The following MRAP2 variants were observed in gnomAD, a reference collection of about 807,000 sequenced individuals.
MRAP2 encodes the protein melanocortin 2 receptor accessory protein 2.
Under a neutral mutation model 17.4 loss-of-function variants are expected in MRAP2, and 20 were observed. The observed-to-expected ratio is 1.15, with a 90% CI of 0.81 to 1.67. The LOEUF (loss-of-function observed/expected upper bound fraction) is 1.67. MRAP2 is among the 40% of genes most tolerant of loss of function. The pLI, the probability that MRAP2 is intolerant of heterozygous loss-of-function variation, is 0.00. For missense variants in MRAP2, 238 were observed against 240.0 expected (o/e 0.99, Z 0.05); for synonymous variants, 96 against 88.4 (o/e 1.09, Z -0.48).
Position 84,089,116 on chromosome 6 carries a change from T to C in MRAP2, c.253T>C (p.Phe85Leu), listed in dbSNP as rs745955389. The change falls in exon 4 of 4, where the codon TTC becomes CTC. Residue 85 changes from phenylalanine (F) to leucine (L), a missense_variant. Physicochemically the swap from Phe to Leu is conservative, Grantham distance 22. Transcript: ENST00000257776. ...CAATGCAGAGTCCTCAGAGAAGAGA[T>C]TCAGAATGAACAGCTTTGTGTCAGA... ...QDNAESSEKR[F>L]RMNSFVSDFG... 1.2e-6 allele frequency: 2 copies of C among 1,613,588 alleles called. No individual in the cohort carries two copies. The highest frequency in any genetic ancestry group is 1.7e-6 in the Non-Finnish European group (2 of 1,179,878).
intron 1 of MRAP2, among the ~76,000 whole-genome samples, chr6:84,046,541 G>A (rs1311211581): frequency 1.3e-5 from 2 of 152,020 alleles, no homozygotes; most frequent in African/African-American, 4.8e-5. Flanking sequence ...CAGCACTTTG[G>A]GAGGCCAAGG....
chr6:84,112,907 G>A, the MRAP2 span, among the ~76,000 whole-genome samples: 2 of 152,082 alleles, frequency 1.3e-5, no homozygotes, highest in African/African-American at 2.4e-5. Context: ...TAGTTGTGCA[G>A]TTTTGAGTGA....
chr6:84,085,276 G>A (rs1286313941), intron 3 of MRAP2, among the ~76,000 whole-genome samples: 1 of 152,008 alleles, frequency 6.6e-6, no homozygotes, highest in Non-Finnish European at 1.5e-5. Context: ...GGATGGTCTC[G>A]ATCTCCTGAC....
At chr6:84,129,149 CAT>C in the MRAP2 span, among the ~76,000 whole-genome samples, 1 of 152,272 alleles carries the variant, frequency 6.6e-6, no homozygotes, top group East Asian at 1.9e-4. Context: ...CCACAATAAA[CAT>C]ATGTGTGCAT....
the MRAP2 span, among the ~76,000 whole-genome samples, chr6:84,115,685 T>C: frequency 1.3e-5 from 2 of 152,164 alleles, no homozygotes; most frequent in African/African-American, 2.4e-5. Flanking sequence ...AGTTTTGTGC[T>C]GGAAACCCAG....
chr6:84,057,888 A>G (rs765222730), intron 2 of MRAP2, among the ~76,000 whole-genome samples: 3 of 152,202 alleles, frequency 2.0e-5, no homozygotes, highest in Non-Finnish European at 4.4e-5. Context: ...GAGATTTGAT[A>G]AAAGACCTGA....
At chr6:84,115,210 A>G in the MRAP2 span, among the ~76,000 whole-genome samples, 3 of 152,176 alleles carry the variant, frequency 2.0e-5, no homozygotes, top group Admixed American at 2.0e-4. Flanking sequence ...TTCCAGGCAG[A>G]TGGGTGTTTT....
intron 3 of MRAP2, among the ~76,000 whole-genome samples, chr6:84,084,917 A>ATTTAT (rs1379091336): frequency 1.0e-5 from 1 of 96,286 alleles, no homozygotes; most frequent in East Asian, 2.8e-4. Context: ...TATTTTATTT[A>ATTTAT]TTTATTTTAT....
intron 3 of MRAP2, among the ~76,000 whole-genome samples, chr6:84,066,068 C>T (rs1459645729): frequency 6.6e-6 from 1 of 151,972 alleles, no homozygotes; most frequent in African/African-American, 2.4e-5. Flanking sequence ...CTCTGGAGAT[C>T]CCTGACTAAT....
chr6:84,049,958 G>A (rs188389043), intron 1 of MRAP2, among the ~76,000 whole-genome samples: 4 of 149,868 alleles, frequency 2.7e-5, no homozygotes, highest in Admixed American at 6.6e-5. Context: ...ATTTGAAAAC[G>A]AAGAGCCCAG....
chr6:84,041,827 T>C (rs2099487669), intron 1 of MRAP2, among the ~76,000 whole-genome samples: 1 of 152,252 alleles, frequency 6.6e-6, no homozygotes, highest in South Asian at 2.1e-4. Flanking sequence ...TACAGACTGA[T>C]AGGCAGGAGT....
At chr6:84,035,726 T>TG (rs1302468346) in intron 1 of MRAP2, among the ~76,000 whole-genome samples, 1 of 152,156 alleles carries the variant, frequency 6.6e-6, no homozygotes, top group Admixed American at 6.5e-5. Flanking sequence ...CTGGTCACAG[T>TG]GGGGGTCATC....
Position 84,089,700 on chromosome 6 carries a change from T to G in MRAP2, c.*219T>G, listed in dbSNP as rs2099501374. 2 of 532,198 alleles carry G rather than the reference T, an allele frequency of 3.8e-6. No homozygotes were observed. 33.0% of individuals were successfully genotyped at this position (532,198 alleles called of 1,614,324 possible). On this transcript the variant is annotated 3_prime_UTR_variant, in exon 4 of 4. Transcript: ENST00000257776. Reference sequence around the variant, plus strand: ...TTTGCTTTTTAATACATTTGGAGCTTTGGGAGTATTAAAGTATTTACACCA... The same window carrying G: ...TTTGCTTTTTAATACATTTGGAGCTGTGGGAGTATTAAAGTATTTACACCA...
intron 3 of MRAP2, among the ~76,000 whole-genome samples, chr6:84,087,146 G>C (rs899456569): frequency 6.6e-6 from 1 of 151,012 alleles, no homozygotes; most frequent in Non-Finnish European, 1.5e-5. Flanking sequence ...GAAGACATGT[G>C]CCCAAGGTGG....
intron 1 of MRAP2, among the ~76,000 whole-genome samples, chr6:84,043,829 T>C (rs1195659553): frequency 1.3e-5 from 2 of 152,220 alleles, no homozygotes; most frequent in African/African-American, 2.4e-5. Context: ...GTTTAAAATA[T>C]CCTTGTTGAT....
chr6:84,115,046 C>T, the MRAP2 span, among the ~76,000 whole-genome samples: 715 of 152,280 alleles, frequency 4.7e-3, 9 homozygotes, highest in African/African-American at 0.016. Context: ...TCAGGATAAA[C>T]GGGGGTCAGG....
At chr6:84,112,436 G>A in the MRAP2 span, among the ~76,000 whole-genome samples, 2 of 152,254 alleles carry the variant, frequency 1.3e-5, no homozygotes, top group South Asian at 4.2e-4. Context: ...ATTTCTGTGG[G>A]ATCAGTGGTG....
chr6:84,088,986 G>T, intron 3 of MRAP2, 105 bp from the exon 4 acceptor site: 1 of 1,257,098 alleles, frequency 8.0e-7, no homozygotes, highest in Non-Finnish European at 1.1e-6. Flanking sequence ...CACTCAATAG[G>T]TGCTTAGTGG....
chr6:84,126,815 C>T, the MRAP2 span, among the ~76,000 whole-genome samples: 2 of 151,994 alleles, frequency 1.3e-5, no homozygotes, highest in Non-Finnish European at 2.9e-5. Context: ...AGTTTCACTA[C>T]AAGGTATTGT....
Sources: gnomAD v4.1 joint callset for allele counts (sites outside exome capture counted in the v4.1 genomes callset) on GRCh38, gnomAD v4.1.1 for gene constraint, MANE v1.5 for transcripts, NCBI Gene and HGNC (gene_info 2026-07-23, HGNC 2026-07-21) for gene names.